The following CAMK4 variants were observed in gnomAD, a reference collection of about 807,000 sequenced individuals.
The protein encoded by CAMK4 is calcium/calmodulin-dependent protein kinase type IV.
CAMK4 carries 22 observed loss-of-function variants against 44.9 expected under a neutral mutation model. That is an observed-to-expected ratio of 0.49 (90% CI 0.35 to 0.70). CAMK4 has a LOEUF of 0.70. Ranked by LOEUF, CAMK4 falls within the 30% of genes least tolerant of loss-of-function variation. The probability of loss-of-function intolerance (pLI) is 0.01; values close to 1 mark genes in which losing one functional copy is unlikely to be tolerated. For missense variants in CAMK4, 498 were observed against 586.8 expected, an observed-to-expected ratio of 0.85 and a Z score of 1.56; for synonymous variants, 218 against 215.4, an observed-to-expected ratio of 1.01 and a Z score of -0.11.
rs58147378 is a variant in CAMK4, at chr5:111,432,662, G to GTATATATATA, written c.460-14013_460-14004dup. Among the ~76,000 whole-genome samples the GTATATATATA allele has an allele frequency of 3.3e-4, 47 of 142,960 alleles. 1 individual carries two copies. The highest frequency in any genetic ancestry group is 1.5e-3 in the South Asian group (7 of 4,604). 93.8% of individuals were successfully genotyped at this position (142,960 alleles called of 152,430 possible). A position where few individuals can be genotyped will look rare whatever the true frequency, so the allele number is the denominator to read the frequency against. ...CATATATATATGTATATATGTGTGT[G>GTATATATATA]TATATATATATATATATATACATTT... On this transcript the variant is annotated intron_variant, in intron 5 of 10. Coordinates refer to ENST00000282356, the MANE Select transcript of CAMK4 (RefSeq NM_001744.6).
chr5:111,426,903 G>A (rs1753246431), intron 5 of CAMK4, among the ~76,000 whole-genome samples: 1 of 152,146 alleles, frequency 6.6e-6, no homozygotes, highest in African/African-American at 2.4e-5. Flanking sequence ...GAGCCTCCAG[G>A]TAAACTTGCA....
chr5:111,317,432 A>G (rs1043503175), intron 1 of CAMK4, among the ~76,000 whole-genome samples: 3 of 152,190 alleles, frequency 2.0e-5, no homozygotes, highest in Non-Finnish European at 2.9e-5. Context: ...GAGTTTTCTT[A>G]GGGCAATAAG....
At chr5:111,348,637 C>T (rs1749966758) in intron 2 of CAMK4, among the ~76,000 whole-genome samples, 1 of 151,614 alleles carries the variant, frequency 6.6e-6, no homozygotes, top group Non-Finnish European at 1.5e-5. Flanking sequence ...GGTTAAACAA[C>T]AACAAAAAAA....
chr5:111,456,130 G>A (rs1754404115), intron 7 of CAMK4, among the ~76,000 whole-genome samples: 1 of 151,908 alleles, frequency 6.6e-6, no homozygotes, highest in Non-Finnish European at 1.5e-5. Context: ...CTAATATTCG[G>A]GGAGTTGGTT....
At chr5:111,324,928 C>T (rs2112703604) in intron 1 of CAMK4, among the ~76,000 whole-genome samples, 1 of 151,966 alleles carries the variant, frequency 6.6e-6, no homozygotes, top group Admixed American at 6.6e-5. Context: ...TGGTTTGCTG[C>T]ACCTATCAAC....
At position 111,490,275 on chromosome 5, in the gene CAMK4, A is replaced by G. The variant is rs1755771397; in HGVS notation, c.*5809A>G. On this transcript the variant is annotated 3_prime_UTR_variant, in exon 11 of 11. Transcript: ENST00000282356. ...TTACTAGGTTTGTCCTTTCCTTGATAGATGTAGAGCAGTTCATCTGTTTTG... is the reference window on the plus strand; with the variant it reads ...TTACTAGGTTTGTCCTTTCCTTGATGGATGTAGAGCAGTTCATCTGTTTTG... 1 of 152,194 alleles carries G rather than the reference A, an allele frequency of 6.6e-6. No homozygotes were observed. Among genetic ancestry groups the G allele is most frequent in the Non-Finnish European group, 1.5e-5 (1 of 68,030 alleles). 9.4% of individuals were successfully genotyped at this position (152,194 alleles called of 1,614,324 possible). A position where few individuals can be genotyped will look rare whatever the true frequency, so the allele number is the denominator to read the frequency against.
At chr5:111,389,028 G>A (rs1279662360) in intron 4 of CAMK4, among the ~76,000 whole-genome samples, 1 of 152,144 alleles carries the variant, frequency 6.6e-6, no homozygotes, top group Non-Finnish European at 1.5e-5. Context: ...TCAGTCTGAT[G>A]TAACAAAATT....
At chr5:111,239,077 T>C (rs1435999720) in intron 1 of CAMK4, among the ~76,000 whole-genome samples, 1 of 152,008 alleles carries the variant, frequency 6.6e-6, no homozygotes, top group Admixed American at 6.6e-5. Context: ...TATTAAAAAA[T>C]AAAACTTGGC....
At chr5:111,370,220 G>A (rs1000797662) in intron 2 of CAMK4, among the ~76,000 whole-genome samples, 4 of 152,110 alleles carry the variant, frequency 2.6e-5, no homozygotes, top group African/African-American at 9.7e-5. Context: ...CAGACTTTTT[G>A]CAGTCTGGCC....
At chr5:111,432,562 A>T (rs1753487900) in intron 5 of CAMK4, among the ~76,000 whole-genome samples, 1 of 150,572 alleles carries the variant, frequency 6.6e-6, no homozygotes, top group African/African-American at 2.4e-5. Context: ...TCCATGGTGT[A>T]TTTACTTCAC....
In CAMK4 at chr5:111,356,447, G is replaced by A. The variant is rs1477201176; in HGVS notation, c.240+12345G>A. Among the ~76,000 whole-genome samples, 6 of 152,214 alleles carry A rather than the reference G, an allele frequency of 3.9e-5. No individual in the cohort carries two copies. In the East Asian group the frequency reaches 5.8e-4, roughly 15 times the overall value. On this transcript the variant is annotated intron_variant, in intron 2 of 10. Coordinates refer to ENST00000282356, the MANE Select transcript of CAMK4 (RefSeq NM_001744.6). ...GGTTGCGGAAATTTTCTCCCATTTT[G>A]TAGGTTGCCTGTTCACTTTGATGGT...
At chr5:111,418,122 C>A (rs1014426216) in intron 5 of CAMK4, among the ~76,000 whole-genome samples, 7 of 151,944 alleles carry the variant, frequency 4.6e-5, no homozygotes, top group African/African-American at 1.7e-4. Flanking sequence ...TAAGCGTTGG[C>A]CAGCTTGAGA....
At chr5:111,370,194 C>G (rs1365069059) in intron 2 of CAMK4, among the ~76,000 whole-genome samples, 2 of 151,858 alleles carry the variant, frequency 1.3e-5, no homozygotes, top group Non-Finnish European at 2.9e-5. Context: ...ATGATTTTAC[C>G]AGAAGTTTGC....
At chr5:111,317,157 G>C (rs1458932993) in intron 1 of CAMK4, among the ~76,000 whole-genome samples, 1 of 152,130 alleles carries the variant, frequency 6.6e-6, no homozygotes, top group East Asian at 1.9e-4. Context: ...TAATGCATCT[G>C]ATAAGAAACA....
At chr5:111,483,488 G>C (rs1372824565) in intron 10 of CAMK4, among the ~76,000 whole-genome samples, 1 of 152,180 alleles carries the variant, frequency 6.6e-6, no homozygotes, top group Non-Finnish European at 1.5e-5. Flanking sequence ...GAGGATCTCA[G>C]AGAGCAGCTG....
intron 4 of CAMK4, among the ~76,000 whole-genome samples, chr5:111,391,023 T>C (rs1383902611): frequency 6.6e-6 from 1 of 152,174 alleles, no homozygotes; most frequent in Non-Finnish European, 1.5e-5. Context: ...TTGGGAGTGA[T>C]TTTTACCATC....
At chr5:111,278,636 T>C (rs1466715082) in intron 1 of CAMK4, among the ~76,000 whole-genome samples, 1 of 152,182 alleles carries the variant, frequency 6.6e-6, no homozygotes, top group African/African-American at 2.4e-5. Flanking sequence ...AAGAAATCCC[T>C]GATATAAAGA....
chr5:111,229,833 G>A (rs527430341), intron 1 of CAMK4, among the ~76,000 whole-genome samples: 1 of 152,298 alleles, frequency 6.6e-6, no homozygotes, highest in South Asian at 2.1e-4. Flanking sequence ...GGAGCAAGGT[G>A]GGATTGCAAG....
Position 111,494,610 on chromosome 5 carries a change from T to G in CAMK4, c.*10144T>G, listed in dbSNP as rs1290589348. 6.7e-6 allele frequency: 1 copy of G among 149,638 alleles called. No individual in the cohort carries two copies. The highest frequency in any genetic ancestry group is 2.0e-4 in the East Asian group (1 of 4,956). 9.3% of individuals were successfully genotyped at this position (149,638 alleles called of 1,614,324 possible). On this transcript the variant is annotated 3_prime_UTR_variant, in exon 11 of 11. Transcript: ENST00000282356. ...ATGAGAGCTGTGGCTTCTTCTTGGA[T>G]TCAGGTTGGATAACCCAATTCAGTA...
Sources: gnomAD v4.1 joint callset for allele counts (sites outside exome capture counted in the v4.1 genomes callset) on GRCh38, gnomAD v4.1.1 for gene constraint, MANE v1.5 for transcripts, NCBI Gene and HGNC (gene_info 2026-07-23, HGNC 2026-07-21) for gene names.